The following MYT1L variants were observed in gnomAD, a reference collection of about 807,000 sequenced individuals.
MYT1L encodes the protein myelin transcription factor 1-like protein.
MYT1L carries 12 observed loss-of-function variants against 126.7 expected under a neutral mutation model. The ratio of observed to expected loss-of-function variants is 0.09; its 90% confidence interval spans 0.06 to 0.15. The LOEUF is 0.15. Ranked by LOEUF, MYT1L falls within the 10% of genes least tolerant of loss-of-function variation. The pLI is 1.00. For missense variants in MYT1L, 979 were observed against 1,585.2 expected, an observed-to-expected ratio of 0.62 and a Z score of 6.49; for synonymous variants, 541 against 604.2, an observed-to-expected ratio of 0.90 and a Z score of 1.53.
chr2:2,086,616 CTG>C (rs1255807574), intron 3 of MYT1L, among the ~76,000 whole-genome samples: 3 of 152,156 alleles, frequency 2.0e-5, no homozygotes, highest in Non-Finnish European at 2.9e-5. Context: ...ACCCCCTTAG[CTG>C]AAGGTCCCTG....
At chr2:1,936,694 CT>C (rs1321005569) in intron 9 of MYT1L, among the ~76,000 whole-genome samples, 1 of 152,144 alleles carries the variant, frequency 6.6e-6, no homozygotes, top group Admixed American at 6.5e-5. Context: ...TTTCAACTTG[CT>C]TTCCTCATCA....
intron 8 of MYT1L, among the ~76,000 whole-genome samples, chr2:1,971,360 G>C (rs2059795340): frequency 6.6e-6 from 1 of 152,126 alleles, no homozygotes; most frequent in Admixed American, 6.5e-5. Context: ...CTTTCTTTAG[G>C]ATGATGGCCA....
At chr2:1,926,639 T>C (rs2054269155) in intron 9 of MYT1L, among the ~76,000 whole-genome samples, 1 of 152,252 alleles carries the variant, frequency 6.6e-6, no homozygotes, top group South Asian at 2.1e-4. Flanking sequence ...CTGAGCTCAC[T>C]GCAACCTTTG....
chr2:1,867,575 T>C (rs62114750), intron 18 of MYT1L, among the ~76,000 whole-genome samples: 1 of 152,028 alleles, frequency 6.6e-6, no homozygotes, highest in Admixed American at 6.5e-5. Context: ...GTCAAGTCAG[T>C]GAATGGCAGA....
In MYT1L at chr2:1,960,961, T is replaced by C. The variant is rs1422093771; in HGVS notation, c.153-17627A>G. Among the ~76,000 whole-genome samples, 3 of 152,254 alleles carry C rather than the reference T, an allele frequency of 2.0e-5. No individual in the cohort carries two copies. The East Asian group carries it at 5.8e-4, about 29-fold the overall frequency. ...GACTGTCCATGTTGCACAGATGACA[T>C]CACACATGCTGCCAAGGCAGGGAGC... On this transcript the variant is annotated intron_variant, in intron 8 of 24. Transcript: ENST00000647738.
At chr2:2,017,170 C>T (rs1006401356) in intron 4 of MYT1L, among the ~76,000 whole-genome samples, 6 of 152,148 alleles carry the variant, frequency 3.9e-5, no homozygotes, top group Admixed American at 2.6e-4. Flanking sequence ...TGAGAGTTGC[C>T]CTAGAGACTC....
At chr2:2,263,849 C>T (rs1413395999) in intron 2 of MYT1L, among the ~76,000 whole-genome samples, 1 of 152,126 alleles carries the variant, frequency 6.6e-6, no homozygotes, top group Non-Finnish European at 1.5e-5. Context: ...TGTGATTTCA[C>T]CCTTGCAGCA....
intron 2 of MYT1L, among the ~76,000 whole-genome samples, chr2:2,255,640 A>C (rs184033914): frequency 6.6e-6 from 1 of 152,336 alleles, no homozygotes; most frequent in Admixed American, 6.5e-5. Context: ...ACATTTACAG[A>C]ATGAAGGCTG....
At chr2:2,017,003 T>C (rs529808325) in intron 4 of MYT1L, among the ~76,000 whole-genome samples, 6 of 152,356 alleles carry the variant, frequency 3.9e-5, no homozygotes, top group African/African-American at 1.4e-4. Flanking sequence ...TGCTAATAAT[T>C]GAGTCCAAAG....
rs575573519 is a variant in MYT1L, at chr2:2,039,909, T to C, written c.-158+14069A>G. ...CAGGAGACCCTTATTCATGCCTGGC[T>C]GCAAGAAGCGAGGTGGCTAAGGGAA... is the stretch of plus-strand genomic sequence containing the variant. On this transcript the variant is annotated intron_variant, in intron 4 of 24. Coordinates refer to ENST00000647738, the MANE Select transcript of MYT1L (RefSeq NM_001303052.2). Among the ~76,000 whole-genome samples, 88 of 152,266 alleles carry C rather than the reference T, an allele frequency of 5.8e-4. 1 individual carries two copies. The highest frequency in any genetic ancestry group is 5.8e-3 in the Admixed American group (88 of 15,296).
intron 2 of MYT1L, among the ~76,000 whole-genome samples, chr2:2,204,431 C>T (rs1204935084): frequency 1.3e-5 from 2 of 150,542 alleles, no homozygotes; most frequent in Non-Finnish European, 3.0e-5. Context: ...AACAAACAAC[C>T]CCATCAAAAA....
chr2:2,112,104 T>C (rs1472781749), intron 3 of MYT1L, among the ~76,000 whole-genome samples: 1 of 152,188 alleles, frequency 6.6e-6, no homozygotes, highest in Non-Finnish European at 1.5e-5. Context: ...CCCCCTCCCG[T>C]GTTTGCCCTG....
chr2:1,949,093 C>T (rs113182481), intron 8 of MYT1L, among the ~76,000 whole-genome samples: 6 of 152,214 alleles, frequency 3.9e-5, no homozygotes, highest in South Asian at 2.1e-4. Flanking sequence ...ATACCCCTCC[C>T]GTCATTTTTC....
rs5828877 is a variant in MYT1L, at chr2:1,892,506, C to CTTT, written c.2033-222_2033-220dup. On this transcript the variant is annotated intron_variant, in intron 14 of 24. Coordinates refer to ENST00000647738, the MANE Select transcript of MYT1L (RefSeq NM_001303052.2). ...CTTTTTTCTTCTTTTTTCCTTTTTC[C>CTTT]TTTTTTTTTTTTTTTTTGCCCTGGA... Among the ~76,000 whole-genome samples, 279 of 134,290 alleles carry CTTT rather than the reference C, an allele frequency of 2.1e-3. 4 individuals are homozygous for CTTT. Among genetic ancestry groups the CTTT allele is most frequent in the South Asian group, 4.2e-3 (18 of 4,278 alleles). The allele number at this position is 134,290 out of a possible 152,430, so 88.1% of individuals were successfully genotyped here.
chr2:2,221,174 C>G (rs1445247141), intron 2 of MYT1L, among the ~76,000 whole-genome samples: 2 of 152,136 alleles, frequency 1.3e-5, no homozygotes, highest in East Asian at 3.9e-4. Context: ...CCTAAGAGTA[C>G]AGAGTTACTT....
At chr2:2,012,950 G>A (rs186678032) in intron 4 of MYT1L, among the ~76,000 whole-genome samples, 2 of 152,280 alleles carry the variant, frequency 1.3e-5, no homozygotes, top group Admixed American at 6.5e-5. Flanking sequence ...CTGGGCCAGA[G>A]TTGTAAATTA....
chr2:1,803,231 G>GT (rs2035161236), intron 22 of MYT1L, among the ~76,000 whole-genome samples: 1 of 152,160 alleles, frequency 6.6e-6, no homozygotes, highest in South Asian at 2.1e-4. Context: ...ATGAACGAAC[G>GT]TATCATTTCA....
At chr2:2,190,479 A>G (rs1303562012) in intron 2 of MYT1L, among the ~76,000 whole-genome samples, 1 of 148,894 alleles carries the variant, frequency 6.7e-6, no homozygotes, top group Non-Finnish European at 1.5e-5. Flanking sequence ...CAGCCTTTAG[A>G]CTTCCTGGGG....
intron 4 of MYT1L, among the ~76,000 whole-genome samples, chr2:2,038,611 C>A (rs543182580): frequency 1.3e-5 from 2 of 152,108 alleles, no homozygotes; most frequent in Non-Finnish European, 2.9e-5. Context: ...CCCTTCAAAT[C>A]GATTTTTTAT....
Sources: allele counts gnomAD v4.1 joint callset (sites outside exome capture counted in the v4.1 genomes callset), GRCh38; gene constraint gnomAD v4.1.1; transcripts MANE v1.5; gene names NCBI Gene and HGNC (gene_info 2026-07-23, HGNC 2026-07-21).